TENM3: variants seen among roughly 807,000 people sequenced by gnomAD.
TENM3 encodes teneurin transmembrane protein 3.
In TENM3, 63 loss-of-function variants were observed where a neutral mutation model predicts 255.1. The ratio of observed to expected loss-of-function variants is 0.25; its 90% CI spans 0.20 to 0.30. The LOEUF is 0.30. TENM3 is among the 10% of genes least tolerant of loss of function. The pLI, the probability that TENM3 is intolerant of heterozygous loss-of-function variation, is 1.00. For synonymous variants in TENM3, 1,306 were observed against 1,322.3 expected (o/e 0.99, Z 0.27); for missense variants, 2,929 against 3,461.1 (o/e 0.85, Z 3.86).
At chr4:182,590,262 C>T (rs1444626146) in intron 3 of TENM3, among the ~76,000 whole-genome samples, 4 of 151,968 alleles carry the variant, frequency 2.6e-5, no homozygotes, top group African/African-American at 4.8e-5. Context: ...TGAATGAGGG[C>T]GTGACACTTC....
the TENM3 span, among the ~76,000 whole-genome samples, chr4:181,744,722 A>G: frequency 6.6e-6 from 1 of 152,220 alleles, no homozygotes; most frequent in East Asian, 1.9e-4. Flanking sequence ...TTTACATTCC[A>G]AATGTATTTT....
the TENM3 span, among the ~76,000 whole-genome samples, chr4:181,623,835 GAC>G: frequency 6.6e-6 from 1 of 152,156 alleles, no homozygotes; most frequent in Non-Finnish European, 1.5e-5. Flanking sequence ...TTATGTTTGA[GAC>G]ACAAAATGAG....
intron 3 of TENM3, among the ~76,000 whole-genome samples, chr4:182,469,086 T>G (rs1254225558): frequency 6.6e-6 from 1 of 152,162 alleles, no homozygotes; most frequent in Non-Finnish European, 1.5e-5. Flanking sequence ...AACTGATTTT[T>G]GAAAGTTATG....
chr4:181,820,933 G>A, the TENM3 span, among the ~76,000 whole-genome samples: 1 of 152,198 alleles, frequency 6.6e-6, no homozygotes, highest in African/African-American at 2.4e-5. Context: ...GTGCTCAGAT[G>A]TAAGTGTCTA....
chr4:182,738,381 G>A lies in TENM3; in HGVS notation c.3236-20G>A, dbSNP rs1246779369. 1.3e-6 allele frequency: 2 copies of A among 1,572,410 alleles called. No individual in the cohort carries two copies. The highest frequency in any genetic ancestry group is 3.7e-5 in the Admixed American group (2 of 53,436). ...CCCCCAGTCGTTGGAAAGATGAGCT[G>A]TGATTTGTTTGGATTCCAGTGTCAG... On this transcript the variant is annotated intron_variant, in intron 17 of 27. Transcript: ENST00000511685.
chr4:181,518,629 A>G, the TENM3 span, among the ~76,000 whole-genome samples: 2 of 152,094 alleles, frequency 1.3e-5, no homozygotes, highest in Admixed American at 1.3e-4. Context: ...GAGTTTCACC[A>G]TATTGGCCAG....
chr4:182,412,403 A>G (rs1235764076), intron 3 of TENM3, among the ~76,000 whole-genome samples: 1 of 152,216 alleles, frequency 6.6e-6, no homozygotes, highest in Non-Finnish European at 1.5e-5. Context: ...ATAAAATACT[A>G]TTCAAAATGT....
At chr4:182,322,767 T>C (rs114197220) in intron 1 of TENM3, among the ~76,000 whole-genome samples, 2,765 of 152,206 alleles carry the variant, frequency 0.018, 85 homozygotes, top group African/African-American at 0.063. Context: ...GAGACACTGA[T>C]TCTTTGAGAG....
At chr4:182,113,352 C>CGTCTA in the TENM3 span, among the ~76,000 whole-genome samples, 447 of 152,138 alleles carry the variant, frequency 2.9e-3, 5 homozygotes, top group African/African-American at 9.8e-3. Context: ...AATTGAAATG[C>CGTCTA]GTCTACAAAG....
the TENM3 span, among the ~76,000 whole-genome samples, chr4:181,464,637 A>AT: frequency 0.033 from 5,026 of 150,828 alleles, 126 homozygotes; most frequent in Non-Finnish European, 0.053. Context: ...TTAGAAGCAT[A>AT]TTTTTTTTTC....
chr4:182,416,913 A>G (rs1208358438), intron 3 of TENM3, among the ~76,000 whole-genome samples: 2 of 152,158 alleles, frequency 1.3e-5, no homozygotes, highest in Non-Finnish European at 2.9e-5. Context: ...GTCATTCAGC[A>G]TGTTGTTGAT....
intron 3 of TENM3, among the ~76,000 whole-genome samples, chr4:182,524,412 A>T (rs1330847618): frequency 7.2e-5 from 9 of 124,388 alleles, no homozygotes; most frequent in Non-Finnish European, 1.3e-4. Context: ...CCCAGGCCAG[A>T]GTGCAGTGGC....
rs7689153 is a variant in TENM3 at position 182,691,091 on chromosome 4, C to G, written c.2221+2740C>G. Among the ~76,000 whole-genome samples the G allele has an allele frequency of 8.3e-3, 1,270 of 152,346 alleles. 21 individuals carry two copies. The highest frequency in any genetic ancestry group is 0.029 in the African/African-American group (1,211 of 41,576). On this transcript the variant is annotated intron_variant, in intron 12 of 27. Coordinates refer to ENST00000511685, the MANE Select transcript of TENM3 (RefSeq NM_001080477.4). ...CAATTGCCTTTCCCCTGTTTCCTTA[C>G]TACCTGTGTATATGCCCACCATAGT...
the TENM3 span, among the ~76,000 whole-genome samples, chr4:181,847,023 T>C: frequency 6.6e-6 from 1 of 152,218 alleles, no homozygotes; most frequent in Admixed American, 6.5e-5. Context: ...TGTCCCAAAG[T>C]GTGGCAACGG....
intron 6 of TENM3, among the ~76,000 whole-genome samples, chr4:182,661,480 T>C (rs922130387): frequency 6.6e-6 from 1 of 152,176 alleles, no homozygotes; most frequent in Non-Finnish European, 1.5e-5. Context: ...CTGAGTTTTG[T>C]TCAATAGTGT....
rs1190178497 is a variant in TENM3 at position 182,793,698 on chromosome 4, G to C, written c.7026G>C (p.Leu2342=). ...TGGTAATTGGATTTCATGGTGGCCT[G>C]TATGACCCACTCACCAAATTAATCC... ...FQLVIGFHGG[L]YDPLTKLIHF... Residue 2342 remains leucine (L), a synonymous_variant, in exon 26 of 28, where the codon CTG becomes CTC. Transcript: ENST00000511685. The surrounding 1 kb of genome is among the most constrained non-coding windows in gnomAD (Gnocchi z 5.7). 1 of 1,614,004 alleles carries C rather than the reference G, an allele frequency of 6.2e-7. No individual in the cohort carries two copies. The highest frequency in any genetic ancestry group is 8.5e-7 in the Non-Finnish European group (1 of 1,179,876).
chr4:182,085,575 A>G, the TENM3 span, among the ~76,000 whole-genome samples: 1 of 152,224 alleles, frequency 6.6e-6, no homozygotes, highest in Non-Finnish European at 1.5e-5. Context: ...GTGCCTATCT[A>G]TTAATATTTT....
the TENM3 span, among the ~76,000 whole-genome samples, chr4:181,569,578 C>A: frequency 6.6e-6 from 1 of 152,154 alleles, no homozygotes; most frequent in Admixed American, 6.5e-5. Context: ...TGGGTTCTCA[C>A]TGATGAATAC....
At chr4:182,168,291 C>T (rs994667183) in intron 1 of TENM3, among the ~76,000 whole-genome samples, 9 of 152,154 alleles carry the variant, frequency 5.9e-5, no homozygotes, top group African/African-American at 1.4e-4. Context: ...TGTGCTACCA[C>T]GCCTGGATAA....
Sources: gnomAD v4.1 joint callset for allele counts (sites outside exome capture counted in the v4.1 genomes callset) on GRCh38, gnomAD v4.1.1 for gene constraint, Gnocchi (gnomAD v3.1) non-coding constraint, MANE v1.5 for transcripts, NCBI Gene and HGNC (gene_info 2026-07-23, HGNC 2026-07-21) for gene names.